NELL1: variants seen among roughly 807,000 people sequenced by gnomAD.
NELL1 encodes protein kinase C-binding protein NELL1.
A neutral mutation model predicts 107.4 loss-of-function variants in NELL1; 76 were observed. The observed-to-expected ratio is 0.71, with a 90% confidence interval of 0.59 to 0.86. The LOEUF is 0.86. Ranked by LOEUF, NELL1 falls within the 40% of genes least tolerant of loss-of-function variation. The probability of loss-of-function intolerance (pLI) is 0.00; values close to 1 mark genes in which losing one functional copy is unlikely to be tolerated. For synonymous variants in NELL1, 353 were observed against 341.2 expected, an observed-to-expected ratio of 1.03 and a Z score of -0.38; for missense variants, 1,024 against 1,005.5, an observed-to-expected ratio of 1.02 and a Z score of -0.25.
intron 1 of NELL1, among the ~76,000 whole-genome samples, chr11:20,672,667 C>T (rs527417596): frequency 3.9e-5 from 6 of 152,270 alleles, no homozygotes; most frequent in African/African-American, 1.4e-4. Flanking sequence ...TAATAACACA[C>T]TATCTCTATG....
chr11:21,327,017 G>C (rs1458687702), intron 14 of NELL1, among the ~76,000 whole-genome samples: 1 of 151,926 alleles, frequency 6.6e-6, no homozygotes, highest in Admixed American at 6.6e-5. Flanking sequence ...ATATGGTTTG[G>C]CTGTGTCCCC....
chr11:20,934,720 C>G (rs1590433613), intron 9 of NELL1, among the ~76,000 whole-genome samples: 1 of 152,306 alleles, frequency 6.6e-6, no homozygotes, highest in Non-Finnish European at 1.5e-5. Context: ...GCTGCCTTGC[C>G]AAGTTGGCAG....
intron 2 of NELL1, among the ~76,000 whole-genome samples, chr11:20,756,886 G>A (rs890964859): frequency 6.6e-6 from 1 of 152,088 alleles, no homozygotes; most frequent in Non-Finnish European, 1.5e-5. Flanking sequence ...ATTTTACGAG[G>A]AAAATTCACA....
intron 14 of NELL1, among the ~76,000 whole-genome samples, chr11:21,234,533 C>T (rs748196553): frequency 1.3e-5 from 2 of 152,160 alleles, no homozygotes; most frequent in South Asian, 2.1e-4. Flanking sequence ...CCAACTTTAA[C>T]GTTGACTGCC....
At chr11:20,924,494 G>A (rs79529277) in intron 7 of NELL1, among the ~76,000 whole-genome samples, 6,339 of 152,272 alleles carry the variant, frequency 0.042, 193 homozygotes, top group East Asian at 0.097. Context: ...TTGGAATTGA[G>A]TTTTGTAGGT....
chr11:21,349,259 T>C (rs1298187670), intron 14 of NELL1, among the ~76,000 whole-genome samples: 1 of 152,192 alleles, frequency 6.6e-6, no homozygotes, highest in Non-Finnish European at 1.5e-5. Flanking sequence ...TCAGTGATAT[T>C]ATTTTATGGA....
chr11:21,190,265 T>A (rs1857021460), intron 13 of NELL1, among the ~76,000 whole-genome samples: 2 of 151,682 alleles, frequency 1.3e-5, no homozygotes, highest in African/African-American at 2.4e-5. Context: ...AGCAGGAGAA[T>A]TGCTTGAATC....
chr11:20,690,911 A>G (rs1443738901), intron 2 of NELL1, among the ~76,000 whole-genome samples: 2 of 151,934 alleles, frequency 1.3e-5, no homozygotes, highest in Non-Finnish European at 2.9e-5. Flanking sequence ...CTTCCTACCC[A>G]TGAGCATGGA....
At chr11:21,267,969 C>T (rs1848667937) in intron 14 of NELL1, among the ~76,000 whole-genome samples, 1 of 152,128 alleles carries the variant, frequency 6.6e-6, no homozygotes, top group Admixed American at 6.6e-5. Context: ...GTGAGTTTCT[C>T]ATAGACAGCA....
chr11:21,104,066 C>T (rs1422367070), intron 12 of NELL1, among the ~76,000 whole-genome samples: 3 of 152,102 alleles, frequency 2.0e-5, no homozygotes, highest in Non-Finnish European at 4.4e-5. Flanking sequence ...ACGATAGTAG[C>T]TTTTACATTT....
At chr11:21,034,896 C>T (rs1297419457) in intron 12 of NELL1, among the ~76,000 whole-genome samples, 2 of 151,928 alleles carry the variant, frequency 1.3e-5, no homozygotes, top group Admixed American at 1.3e-4. Flanking sequence ...AAGATCAGAG[C>T]TGAACTGAAG....
At chr11:21,242,310 A>C (rs780725725) in intron 14 of NELL1, among the ~76,000 whole-genome samples, 3 of 152,052 alleles carry the variant, frequency 2.0e-5, no homozygotes, top group African/African-American at 4.8e-5. Context: ...TGGTTTTCAG[A>C]ATCCTTACCA....
At chr11:21,206,288 G>A (rs1247881590) in intron 13 of NELL1, among the ~76,000 whole-genome samples, 1 of 152,090 alleles carries the variant, frequency 6.6e-6, no homozygotes, top group Non-Finnish European at 1.5e-5. Context: ...CCTATGTCCT[G>A]ACATGGCCTG....
intron 7 of NELL1, among the ~76,000 whole-genome samples, chr11:20,920,790 A>G (rs1850360519): frequency 6.6e-6 from 1 of 151,940 alleles, no homozygotes; most frequent in South Asian, 2.1e-4. Flanking sequence ...GCCACACATC[A>G]TCTAGGAGCC....
intron 3 of NELL1, among the ~76,000 whole-genome samples, chr11:20,833,837 T>C (rs564376189): frequency 6.6e-6 from 1 of 152,194 alleles, no homozygotes; most frequent in Non-Finnish European, 1.5e-5. Context: ...GGGATCGTGG[T>C]ATGTTTGAAG....
At position 20,995,310 on chromosome 11, in the gene NELL1, G is replaced by A. The variant is rs924774449; in HGVS notation, c.1300+34750G>A. Among the ~76,000 whole-genome samples, 12 of 152,176 alleles carry A rather than the reference G, an allele frequency of 7.9e-5. No individual in the cohort carries two copies. In the East Asian group the frequency reaches 1.4e-3, roughly 17 times the overall value. On this transcript the variant is annotated intron_variant, in intron 12 of 19. Coordinates refer to ENST00000357134, the MANE Select transcript of NELL1 (RefSeq NM_006157.5). ...AAAAAATCAGCTTCTGGCTGGGCGC[G>A]GTGGCTCACACCTGTAATCCCAGCA...
chr11:21,374,887 CT>C (rs1376443563), intron 15 of NELL1, among the ~76,000 whole-genome samples: 1 of 143,758 alleles, frequency 7.0e-6, no homozygotes, highest in African/African-American at 2.6e-5. Flanking sequence ...CTGTGTGTGT[CT>C]GTGTGTGTGT....
intron 12 of NELL1, among the ~76,000 whole-genome samples, chr11:21,020,084 G>A (rs1852662377): frequency 2.0e-5 from 3 of 152,070 alleles, no homozygotes; most frequent in Admixed American, 1.3e-4. Flanking sequence ...ATACAATGGA[G>A]ATATGAGTAT....
At chr11:21,075,310 C>A (rs1393582608) in intron 12 of NELL1, among the ~76,000 whole-genome samples, 3 of 152,180 alleles carry the variant, frequency 2.0e-5, no homozygotes, top group African/African-American at 7.2e-5. Context: ...CTCCATGTAT[C>A]TTCCTTAAAG....
Sources: allele counts gnomAD v4.1 joint callset (sites outside exome capture counted in the v4.1 genomes callset), GRCh38; gene constraint gnomAD v4.1.1; transcripts MANE v1.5; gene names NCBI Gene and HGNC (gene_info 2026-07-23, HGNC 2026-07-21).